ELP4: variants seen among roughly 807,000 people sequenced by gnomAD.
ELP4 encodes elongator complex protein 4.
In ELP4, 51 loss-of-function variants were observed where a neutral mutation model predicts 48.9. The ratio of observed to expected loss-of-function variants is 1.04; its 90% CI spans 0.83 to 1.32. The LOEUF is 1.32. Ranked by LOEUF, ELP4 falls within the 40% of genes most tolerant of loss-of-function variation. The pLI, the probability that ELP4 is intolerant of heterozygous loss-of-function variation, is 0.00. For synonymous variants in ELP4, 210 were observed against 189.2 expected, an observed-to-expected ratio of 1.11 and a Z score of -0.90; for missense variants, 519 against 514.6, an observed-to-expected ratio of 1.01 and a Z score of -0.08.
At chr11:31,587,336 C>G (rs553463966) in intron 3 of ELP4, among the ~76,000 whole-genome samples, 2 of 152,060 alleles carry the variant, frequency 1.3e-5, no homozygotes, top group African/African-American at 4.8e-5. Flanking sequence ...CGTTATAAAC[C>G]GTAACAGCAC....
At chr11:31,760,528 A>G (rs1442362525) in intron 9 of ELP4, among the ~76,000 whole-genome samples, 1 of 152,208 alleles carries the variant, frequency 6.6e-6, no homozygotes, top group Non-Finnish European at 1.5e-5. Flanking sequence ...TTTTAAATGT[A>G]TTATAAAAAC....
At position 31,581,096 on chromosome 11, in the gene ELP4, T is replaced by G. The variant is rs1008064809; in HGVS notation, c.382-13674T>G. Among the ~76,000 whole-genome samples the G allele has an allele frequency of 5.3e-5, 8 of 152,172 alleles. No individual in the cohort carries two copies. In the South Asian group the frequency reaches 1.7e-3, roughly 32 times the overall value. ...TGAATTACGAATTCATCTCAAAACT[T>G]TCCACTAAAGTTTTCAAACTCCTCT... On this transcript the variant is annotated intron_variant, in intron 3 of 9. Transcript: ENST00000640961.
chr11:31,686,795 G>C (rs1430071514), intron 9 of ELP4, among the ~76,000 whole-genome samples: 2 of 151,940 alleles, frequency 1.3e-5, no homozygotes, highest in Non-Finnish European at 2.9e-5. Flanking sequence ...ATTGAGCTGG[G>C]GAGGTGGAGG....
intron 3 of ELP4, among the ~76,000 whole-genome samples, chr11:31,586,869 T>C (rs1957484215): frequency 6.6e-6 from 1 of 152,136 alleles, no homozygotes; most frequent in Non-Finnish European, 1.5e-5. Context: ...CTCAATCTCC[T>C]GACCTCGTGA....
chr11:31,640,840 A>G (rs1430948640), intron 7 of ELP4, among the ~76,000 whole-genome samples: 1 of 151,966 alleles, frequency 6.6e-6, no homozygotes, highest in Non-Finnish European at 1.5e-5. Flanking sequence ...GAGCCACTGT[A>G]AGAAAGTCCT....
chr11:31,767,239 C>T (rs1439435187), intron 9 of ELP4: 2 of 152,004 alleles, frequency 1.3e-5, no homozygotes, highest in Non-Finnish European at 2.9e-5. Context: ...ACCTGCAGAC[C>T]CTGGATGAAA....
intron 3 of ELP4, among the ~76,000 whole-genome samples, chr11:31,590,992 CA>C (rs1248044617): frequency 6.6e-6 from 1 of 152,124 alleles, no homozygotes; most frequent in Non-Finnish European, 1.5e-5. Flanking sequence ...TTTGGTCCAT[CA>C]ATGGACGCTT....
intron 1 of ELP4, among the ~76,000 whole-genome samples, chr11:31,512,857 A>G (rs530577205): frequency 1.2e-4 from 17 of 144,724 alleles, no homozygotes; most frequent in Admixed American, 1.0e-3. Context: ...CCATCATAGA[A>G]CCATATATCT....
rs1043842050 is a variant in ELP4, at chr11:31,544,813, G to A, written c.381+5030G>A. 3.3e-5 allele frequency among the ~76,000 whole-genome samples: 5 copies of A among 152,142 alleles called. No homozygotes were observed. In the East Asian group the frequency reaches 7.7e-4, roughly 23 times the overall value. ...ACTCCTCTGAGACAAAACTTCCAGA[G>A]GAACGATCAGACAGCAGCATTCGCG... On this transcript the variant is annotated intron_variant, in intron 3 of 9. Transcript: ENST00000640961.
chr11:31,585,424 C>CT (rs1256819863), intron 3 of ELP4, among the ~76,000 whole-genome samples: 1 of 150,724 alleles, frequency 6.6e-6, no homozygotes, highest in Non-Finnish European at 1.5e-5. Flanking sequence ...AATAAAGAGC[C>CT]TGGGTATTAT....
intron 2 of ELP4, among the ~76,000 whole-genome samples, chr11:31,534,631 T>G (rs1378908221): frequency 6.6e-6 from 1 of 152,118 alleles, no homozygotes; most frequent in Non-Finnish European, 1.5e-5. Context: ...ACTGAAAACA[T>G]AGAAAAAGTA....
intron 9 of ELP4, among the ~76,000 whole-genome samples, chr11:31,685,811 G>C (rs1946148518): frequency 6.6e-6 from 1 of 151,490 alleles, no homozygotes; most frequent in African/African-American, 2.4e-5. Flanking sequence ...CACGCCTGTA[G>C]TCCCAGCTAG....
chr11:31,538,643 G>A (rs938806050), intron 2 of ELP4, among the ~76,000 whole-genome samples: 1 of 151,080 alleles, frequency 6.6e-6, no homozygotes, highest in African/African-American at 2.4e-5. Flanking sequence ...AATATTACTG[G>A]ATTTGGTTTT....
rs1355774311 is a variant in ELP4, at chr11:31,509,920, C to G, written c.136C>G (p.Leu46Val). 1 of 1,613,996 alleles carries G rather than the reference C, an allele frequency of 6.2e-7. No homozygotes were observed. The highest frequency in any genetic ancestry group is 2.2e-5 in the East Asian group (1 of 44,870). Residue 46 changes from leucine to valine, a missense_variant, in exon 1 of 10, where the codon CTG becomes GTG. Coordinates refer to ENST00000640961, the MANE Select transcript of ELP4 (RefSeq NM_019040.5). ...ASVTNDSGPRLVSIAGTRPSV... is the reference protein window; with the variant it reads ...ASVTNDSGPRVVSIAGTRPSV... ...CGTGACCAACGACAGCGGCCCTCGA[C>G]TGGTGTCCATTGCGGGCACGCGACC...
At chr11:31,628,736 G>A (rs746009716) in intron 6 of ELP4, among the ~76,000 whole-genome samples, 1 of 151,758 alleles carries the variant, frequency 6.6e-6, no homozygotes, top group African/African-American at 2.4e-5. Flanking sequence ...ATACCAATAC[G>A]TTATTATAGA....
At chr11:31,706,444 T>C (rs1946634100) in intron 9 of ELP4, among the ~76,000 whole-genome samples, 1 of 150,970 alleles carries the variant, frequency 6.6e-6, no homozygotes, top group African/African-American at 2.4e-5. Flanking sequence ...CAGCCTAGTC[T>C]ATATAGTGAG....
At chr11:31,630,204 T>C (rs370904320) in intron 6 of ELP4, among the ~76,000 whole-genome samples, 23 of 151,102 alleles carry the variant, frequency 1.5e-4, no homozygotes, top group African/African-American at 5.3e-4. Context: ...GAAGTTTTTT[T>C]CTAATGTGCT....
chr11:31,578,655 C>A (rs2133968118), intron 3 of ELP4, among the ~76,000 whole-genome samples: 1 of 152,288 alleles, frequency 6.6e-6, no homozygotes, highest in East Asian at 1.9e-4. Flanking sequence ...GCCATCTGAT[C>A]TTTGACAAAC....
intron 9 of ELP4, among the ~76,000 whole-genome samples, chr11:31,769,184 T>C (rs563007282): frequency 1.3e-5 from 2 of 152,112 alleles, no homozygotes; most frequent in Admixed American, 6.5e-5. Context: ...AGTTGGGAGA[T>C]TTAATGCTGC....
Sources: allele counts gnomAD v4.1 joint callset (sites outside exome capture counted in the v4.1 genomes callset), GRCh38; gene constraint gnomAD v4.1.1; transcripts MANE v1.5; gene names NCBI Gene and HGNC (gene_info 2026-07-23, HGNC 2026-07-21).